Variants in SLCO2B1 observed in about 807,000 individuals in gnomAD.
SLCO2B1 encodes OATP-RP2.
Under a neutral mutation model 67.3 loss-of-function variants are expected in SLCO2B1, and 41 were observed. The observed-to-expected ratio is 0.61, with a 90% CI of 0.47 to 0.79. The LOEUF (loss-of-function observed/expected upper bound fraction) is 0.79, where lower values mean the gene tolerates loss of function less well. Ranked by LOEUF, SLCO2B1 falls within the 30% of genes least tolerant of loss-of-function variation. The pLI is 0.00. For missense variants in SLCO2B1, 837 were observed against 920.1 expected, an observed-to-expected ratio of 0.91 and a Z score of 1.17; for synonymous variants, 379 against 381.4, an observed-to-expected ratio of 0.99 and a Z score of 0.07.
intron 8 of SLCO2B1, among the ~76,000 whole-genome samples, chr11:75,189,962 GAAAAAA>G (rs561790970): frequency 8.8e-6 from 1 of 113,098 alleles, no homozygotes; most frequent in Non-Finnish European, 1.9e-5. Context: ...ACCCTGTCTG[GAAAAAA>G]AAAAAAAAAA....
rs1258103524 is a variant in SLCO2B1 at position 75,172,677 on chromosome 11, TC to T, written c.972+110del. The stretch of plus-strand genomic sequence containing the variant: ...GGGCGTGGTGGCTCACATCTGTAGT[TC>T]CAGCACTTTGGGAGGCCAAGGCGGT... On this transcript the variant is annotated intron_variant, in intron 7 of 13. Transcript: ENST00000289575. 2.9e-6 allele frequency: 3 copies of T among 1,030,324 alleles called. No individual in the cohort carries two copies. The African/African-American group carries it at 4.8e-5, about 16-fold the overall frequency. 63.8% of individuals were successfully genotyped at this position (1,030,324 alleles called of 1,614,324 possible).
At chr11:75,176,138 C>T (rs1052885256) in intron 7 of SLCO2B1, among the ~76,000 whole-genome samples, 2 of 152,214 alleles carry the variant, frequency 1.3e-5, no homozygotes, top group African/African-American at 4.8e-5. Flanking sequence ...TGGCAGATGG[C>T]TCTGCAGGGT....
At chr11:75,173,398 C>T (rs749909933) in intron 7 of SLCO2B1, among the ~76,000 whole-genome samples, 10 of 152,184 alleles carry the variant, frequency 6.6e-5, no homozygotes, top group Non-Finnish European at 1.3e-4. Context: ...CTGGCCCTTT[C>T]GGGGACAGTG....
chr11:75,165,682 A>G (rs1949880272), intron 3 of SLCO2B1, 105 bp from the exon 4 acceptor site: 11 of 1,264,540 alleles, frequency 8.7e-6, no homozygotes, highest in Non-Finnish European at 1.2e-5. Flanking sequence ...TATTCAGTCC[A>G]TTATTCAGAT....
In SLCO2B1 at chr11:75,188,143, A is replaced by T; in HGVS notation, c.980A>T (p.Asp327Val). 6.2e-7 allele frequency: 1 copy of T among 1,612,368 alleles called. No homozygotes were observed. The highest frequency in any genetic ancestry group is 1.3e-5 in the African/African-American group (1 of 74,880). The stretch of plus-strand genomic sequence containing the variant: ...GTTTTGTGTCTCCTTCAGGGCAAGG[A>T]CTCTCCCTCTAAGCAGAGCCCTGGG... ...VTDSPARKGK[D>V]SPSKQSPGES... is the part of the protein sequence containing the mutation. Residue 327 changes from aspartate to valine, a missense_variant, in exon 8 of 14, where the codon GAC becomes GTC. Coordinates refer to ENST00000289575, the MANE Select transcript of SLCO2B1 (RefSeq NM_007256.5).
intron 2 of SLCO2B1, 149 bp from the exon 3 acceptor site, chr11:75,163,814 C>A: frequency 1.2e-6 from 1 of 849,904 alleles, no homozygotes; most frequent in Non-Finnish European, 1.8e-6. Flanking sequence ...CTCTCTCTGT[C>A]TCTCTTCTGT....
rs2851069 is a variant in SLCO2B1 at position 75,151,311 on chromosome 11, T to C, written c.-71T>C. 0.57 allele frequency: 839,794 copies of C among 1,482,166 alleles called. 248,504 individuals carry two copies. Among genetic ancestry groups the C allele is most frequent in the Non-Finnish European group, 0.61 (658,365 of 1,071,848 alleles). The allele number at this position is 1,482,166 out of a possible 1,614,324, so 91.8% of individuals were successfully genotyped here. A position where few individuals can be genotyped will look rare whatever the true frequency, so the allele number is the denominator to read the frequency against. On this transcript the variant is annotated 5_prime_UTR_variant, in exon 1 of 14. Transcript: ENST00000289575. ...TCCAGGAGCCCCTGAGAAGATTTGC[T>C]TCCTCTCCCCTGCTAAGCTCCAGGT...
At chr11:75,165,160 G>A (rs1368714802) in intron 3 of SLCO2B1, among the ~76,000 whole-genome samples, 5 of 152,134 alleles carry the variant, frequency 3.3e-5, no homozygotes, top group East Asian at 3.9e-4. Context: ...GGCCAGGCAC[G>A]GTGGCTCATG....
rs771558676 is a variant in SLCO2B1, at chr11:75,193,609, T to TGGGAGGACAGGACA, written c.1433+46_1433+59dup. ...GTGCGTGGGCACGTAAAGGCAAGCC[T>TGGGAGGACAGGACA]GGGAGGACAGGACAGGGAGGACAGG... On this transcript the variant is annotated intron_variant, in intron 9 of 13. Transcript: ENST00000289575. This position sits in a 1 kb window ranked among gnomAD's most constrained non-coding sequence, Gnocchi z 4.2. 6.1e-5 allele frequency: 92 copies of TGGGAGGACAGGACA among 1,506,322 alleles called. 1 individual carries two copies. The highest frequency in any genetic ancestry group is 5.3e-4 in the South Asian group (41 of 76,938). 93.3% of individuals were successfully genotyped at this position (1,506,322 alleles called of 1,614,324 possible). A position where few individuals can be genotyped will look rare whatever the true frequency, so the allele number is the denominator to read the frequency against.
In SLCO2B1 at chr11:75,162,778, A is replaced by T; in HGVS notation, c.140A>T (p.Asn47Ile). 6.2e-7 allele frequency: 1 copy of T among 1,613,546 alleles called. No individual in the cohort carries two copies. The highest frequency in any genetic ancestry group is 8.5e-7 in the Non-Finnish European group (1 of 1,179,774). Residue 47 changes from asparagine to isoleucine, a missense_variant, in exon 2 of 14, where the codon AAC (asparagine) becomes ATC (isoleucine). Asn to Ile is a moderately radical substitution (Grantham distance 149). Transcript: ENST00000289575. ...GACGTGCGGCCAAGTGTGTTCCATA[A>T]CATCAAGGTACCTCTCAGGGCCTGG... ...PQDVRPSVFH[N>I]IKLFVLCHSL...
chr11:75,173,438 C>G (rs1328999700), intron 7 of SLCO2B1, among the ~76,000 whole-genome samples: 1 of 152,220 alleles, frequency 6.6e-6, no homozygotes, highest in African/African-American at 2.4e-5. Context: ...GAGTGCAGGC[C>G]CCAGGCTGGA....
intron 7 of SLCO2B1, among the ~76,000 whole-genome samples, chr11:75,181,384 A>AG (rs570349242): frequency 1.5e-3 from 229 of 151,428 alleles, no homozygotes; most frequent in Non-Finnish European, 2.5e-3. Flanking sequence ...AAAAAAAAAA[A>AG]AAAAGAAAAA....
intron 4 of SLCO2B1, 69 bp from the exon 5 acceptor site, chr11:75,169,104 C>A: frequency 7.8e-7 from 1 of 1,280,714 alleles, no homozygotes. Context: ...AGAACAGTAC[C>A]TTCCCCCGGG....
intron 7 of SLCO2B1, among the ~76,000 whole-genome samples, chr11:75,177,047 C>T (rs1422279423): frequency 1.3e-5 from 2 of 152,162 alleles, no homozygotes; most frequent in Admixed American, 1.3e-4. Context: ...ATCGACGAGG[C>T]TTGAGGCCCT....
At chr11:75,162,956 G>A (rs1038663338) in intron 2 of SLCO2B1, 171 bp downstream of exon 2, 39 of 749,270 alleles carry the variant, frequency 5.2e-5, no homozygotes, top group Admixed American at 6.3e-5. Flanking sequence ...GCTGGGTTTC[G>A]GGCACATGGA....
rs768829868 is a variant in SLCO2B1, at chr11:75,151,248, C to T, written c.-134C>T. The T allele has an allele frequency of 2.3e-5, 17 of 728,196 alleles. No homozygotes were observed. Among genetic ancestry groups the T allele is most frequent in the African/African-American group, 2.1e-4 (12 of 56,824 alleles). 45.1% of individuals were successfully genotyped at this position (728,196 alleles called of 1,614,324 possible). On this transcript the variant is annotated 5_prime_UTR_variant, in exon 1 of 14. Transcript: ENST00000289575. ...CTGACCCCGTGTCTGGAGCTCCCACCGTTATTGCATCCCTGCTGTGGCTCA... is the reference window on the plus strand; with the variant it reads ...CTGACCCCGTGTCTGGAGCTCCCACTGTTATTGCATCCCTGCTGTGGCTCA...
chr11:75,155,396 C>T (rs1014329187), intron 1 of SLCO2B1, among the ~76,000 whole-genome samples: 1 of 152,158 alleles, frequency 6.6e-6, no homozygotes, highest in African/African-American at 2.4e-5. Context: ...ACCGCAGTCC[C>T]CACCCACAGA....
At position 75,202,962 on chromosome 11, in the gene SLCO2B1, T is replaced by C. The variant is rs907562695; in HGVS notation, c.1825T>C (p.Leu609=). The change falls in exon 12 of 14, where the codon TTG becomes CTG. Residue 609 remains leucine, a synonymous_variant. Transcript: ENST00000289575. ...VGIQFMFLRI[L]AWMPSPVIHG... is the part of the protein sequence containing the mutation. ...CATCCAGTTCATGTTCCTGAGGATT[T>C]TGGGTAAAGATCTTGCTTGGGACCA... The C allele has an allele frequency of 1.9e-6, 3 of 1,613,706 alleles. No homozygotes were observed. The highest frequency in any genetic ancestry group is 1.7e-6 in the Non-Finnish European group (2 of 1,179,832).
At chr11:75,161,597 A>G (rs1949821840) in intron 1 of SLCO2B1, among the ~76,000 whole-genome samples, 1 of 152,114 alleles carries the variant, frequency 6.6e-6, no homozygotes, top group African/African-American at 2.4e-5. Flanking sequence ...GATCAGAGGA[A>G]TCCTGAGGTC....
Sources: allele counts gnomAD v4.1 joint callset (sites outside exome capture counted in the v4.1 genomes callset), GRCh38; gene constraint gnomAD v4.1.1; non-coding constraint Gnocchi (gnomAD v3.1); transcripts MANE v1.5; gene names NCBI Gene and HGNC (gene_info 2026-07-23, HGNC 2026-07-21).